The following IP6K1 variants were observed in gnomAD, a reference collection of about 807,000 sequenced individuals.
IP6K1 encodes the protein ATP:1D-myo-inositol-hexakisphosphate phosphotransferase.
Under a neutral mutation model 38.3 loss-of-function variants are expected in IP6K1, and 13 were observed. The observed-to-expected ratio is 0.34, with a 90% confidence interval of 0.22 to 0.54. The LOEUF (loss-of-function observed/expected upper bound fraction) is 0.54. IP6K1 is among the 20% of genes least tolerant of loss of function. The pLI is 0.92. For missense variants in IP6K1, 397 were observed against 599.8 expected, an observed-to-expected ratio of 0.66 and a Z score of 3.53; for synonymous variants, 212 against 229.9, an observed-to-expected ratio of 0.92 and a Z score of 0.70.
chr3:49,752,415 G>C (rs1334112277), intron 1 of IP6K1, among the ~76,000 whole-genome samples: 1 of 151,724 alleles, frequency 6.6e-6, no homozygotes, highest in Non-Finnish European at 1.5e-5. Context: ...GTGGAACCTG[G>C]GAGGCAGAGC....
At chr3:49,730,945 G>A (rs1469655825) in intron 4 of IP6K1, among the ~76,000 whole-genome samples, 1 of 152,064 alleles carries the variant, frequency 6.6e-6, no homozygotes, top group Non-Finnish European at 1.5e-5. Flanking sequence ...CCAACCTCAG[G>A]TGATCTGCCG....
chr3:49,732,270 A>G (rs2080568892), intron 4 of IP6K1, among the ~76,000 whole-genome samples: 1 of 152,092 alleles, frequency 6.6e-6, no homozygotes, highest in African/African-American at 2.4e-5. Context: ...GTTTATCATC[A>G]GATAAAAATC....
At chr3:49,746,967 TG>T (rs1400551776) in intron 2 of IP6K1, among the ~76,000 whole-genome samples, 1 of 152,144 alleles carries the variant, frequency 6.6e-6, no homozygotes, top group Non-Finnish European at 1.5e-5. Context: ...ATTCAGGAAA[TG>T]GACAGTGGCT....
intron 1 of IP6K1, among the ~76,000 whole-genome samples, chr3:49,774,407 CAAAAAAAAAAAAAAAAAAAAAAG>C (rs2080988108): frequency 2.3e-5 from 1 of 44,286 alleles, no homozygotes; most frequent in South Asian, 1.3e-3. Context: ...GACTCCATCT[CAAAAAAAAAAAAAAAAAAAAAAG>C]AAAAAAAAAA....
intron 1 of IP6K1, among the ~76,000 whole-genome samples, chr3:49,770,636 C>A (rs550517643): frequency 2.0e-5 from 3 of 152,014 alleles, no homozygotes; most frequent in Non-Finnish European, 4.4e-5. Context: ...CAGAACCAGA[C>A]CCTGTCTCAA....
chr3:49,752,911 T>C (rs891639180), intron 1 of IP6K1, among the ~76,000 whole-genome samples: 3 of 151,846 alleles, frequency 2.0e-5, no homozygotes, highest in African/African-American at 4.8e-5. Flanking sequence ...CACCCCACCA[T>C]GCCCAGCTAA....
intron 1 of IP6K1, among the ~76,000 whole-genome samples, chr3:49,766,663 TAA>T (rs1184706154): frequency 7.6e-6 from 1 of 130,788 alleles, no homozygotes. Flanking sequence ...GACCTCATCT[TAA>T]AAAAAAAAAA....
At chr3:49,751,307 G>A (rs1213531200) in intron 1 of IP6K1, among the ~76,000 whole-genome samples, 2 of 152,028 alleles carry the variant, frequency 1.3e-5, no homozygotes, top group African/African-American at 2.4e-5. Flanking sequence ...GATTACAGGT[G>A]TATGCCACCA....
chr3:49,774,303 G>A (rs1377698965), intron 1 of IP6K1, among the ~76,000 whole-genome samples: 1 of 148,878 alleles, frequency 6.7e-6, no homozygotes, highest in African/African-American at 2.5e-5. Context: ...AGCTACTCGA[G>A]AAGCTGAGGC....
At chr3:49,759,144 G>C (rs760406248) in intron 1 of IP6K1, among the ~76,000 whole-genome samples, 2 of 152,058 alleles carry the variant, frequency 1.3e-5, no homozygotes, top group Non-Finnish European at 2.9e-5. Flanking sequence ...GGACTCCAAA[G>C]CAGTTTTAAA....
intron 1 of IP6K1, among the ~76,000 whole-genome samples, chr3:49,749,679 CAAAA>C (rs2080754684): frequency 6.6e-6 from 1 of 151,710 alleles, no homozygotes; most frequent in South Asian, 2.1e-4. Context: ...TCAAAAAAGA[CAAAA>C]AGAAAGAAAA....
At chr3:49,742,018 G>A (rs2080673029) in intron 2 of IP6K1, among the ~76,000 whole-genome samples, 1 of 152,068 alleles carries the variant, frequency 6.6e-6, no homozygotes, top group African/African-American at 2.4e-5. Flanking sequence ...GTTTGAGTCT[G>A]CAGTGAGCCA....
intron 1 of IP6K1, among the ~76,000 whole-genome samples, chr3:49,751,536 T>C (rs7372966): frequency 0.52 from 78,626 of 151,798 alleles, 21,412 homozygotes; most frequent in East Asian, 0.83. Context: ...AACTACTGTC[T>C]GAGAAGGCCG....
At chr3:49,762,133 G>T (rs1239099978) in intron 1 of IP6K1, among the ~76,000 whole-genome samples, 1 of 152,044 alleles carries the variant, frequency 6.6e-6, no homozygotes, top group African/African-American at 2.4e-5. Context: ...TGTATTTTTT[G>T]TAAAGACAGG....
At chr3:49,782,019 G>A (rs2081069923) in intron 1 of IP6K1, among the ~76,000 whole-genome samples, 1 of 151,816 alleles carries the variant, frequency 6.6e-6, no homozygotes. Flanking sequence ...CCTGAGCCCA[G>A]GAATTCGAGG....
In IP6K1 at chr3:49,770,762, A is replaced by T. The variant is rs114039221; in HGVS notation, c.-129+15592T>A. On this transcript the variant is annotated intron_variant, in intron 1 of 5. Transcript: ENST00000321599. The stretch of plus-strand genomic sequence containing the variant: ...ACTCAGACAGAACACAGAAAGCAAT[A>T]ACCATAACAGAAATTATTGATAAAT... Among the ~76,000 whole-genome samples, 1,057 of 152,320 alleles carry T rather than the reference A, an allele frequency of 6.9e-3. 15 individuals carry two copies. The highest frequency in any genetic ancestry group is 0.023 in the African/African-American group (975 of 41,566).
intron 1 of IP6K1, among the ~76,000 whole-genome samples, chr3:49,763,936 T>C (rs564326155): frequency 1.3e-5 from 2 of 152,082 alleles, no homozygotes; most frequent in African/African-American, 4.8e-5. Flanking sequence ...GCAGGAGAAT[T>C]GCTGGAACCC....
intron 1 of IP6K1, among the ~76,000 whole-genome samples, chr3:49,751,909 TATA>T (rs943334440): frequency 6.6e-6 from 1 of 152,236 alleles, no homozygotes; most frequent in Non-Finnish European, 1.5e-5. Flanking sequence ...ACTTTCTGGT[TATA>T]ATAACAAACT....
rs1280932834 is a variant in IP6K1, at chr3:49,766,826, A to G, written c.-128-18658T>C. On this transcript the variant is annotated intron_variant, in intron 1 of 5. Transcript: ENST00000321599. ...ACTAAAAATACAAAAATTAGCGGGC[A>G]TGGTGGTGGGCATCTGTAATCCCAG... Among the ~76,000 whole-genome samples, 5 of 140,752 alleles carry G rather than the reference A, an allele frequency of 3.6e-5. No homozygotes were observed. In the East Asian group the frequency reaches 1.1e-3, roughly 31 times the overall value. 92.3% of individuals were successfully genotyped at this position (140,752 alleles called of 152,430 possible).
Sources: gnomAD v4.1 joint callset for allele counts (sites outside exome capture counted in the v4.1 genomes callset) on GRCh38, gnomAD v4.1.1 for gene constraint, MANE v1.5 for transcripts, NCBI Gene and HGNC (gene_info 2026-07-23, HGNC 2026-07-21) for gene names.